Variants in WDR70 observed in about 807,000 individuals in gnomAD.
WDR70 encodes the protein WD repeat-containing protein 70.
In WDR70, 53 loss-of-function variants were observed where a neutral mutation model predicts 88.6. That is an observed-to-expected ratio of 0.60 (90% CI 0.48 to 0.75). WDR70 has a LOEUF of 0.75. Among genes scored for constraint, WDR70 ranks in the 30% least tolerant of loss-of-function variants. WDR70 has a pLI of 0.00. For missense variants in WDR70, 610 were observed against 823.2 expected (o/e 0.74, Z 3.17); for synonymous variants, 280 against 270.0 (o/e 1.04, Z -0.36).
chr5:37,568,569 G>A (rs1340935087), intron 9 of WDR70, among the ~76,000 whole-genome samples: 1 of 152,114 alleles, frequency 6.6e-6, no homozygotes, highest in Admixed American at 6.5e-5. Context: ...CCTTTGTTCT[G>A]ATCATGGCAT....
intron 14 of WDR70, chr5:37,721,580 G>T: frequency 1.1e-5 from 2 of 190,068 alleles, no homozygotes; most frequent in South Asian, 1.5e-4. Flanking sequence ...TACAGGAAAT[G>T]GAATCAGCTT....
intron 9 of WDR70, among the ~76,000 whole-genome samples, chr5:37,520,036 G>T (rs1459302652): frequency 2.6e-5 from 4 of 152,028 alleles, no homozygotes; most frequent in African/African-American, 7.3e-5. Flanking sequence ...TATATTATAT[G>T]ATTCATTTTA....
chr5:37,564,159 C>G (rs1460401809), intron 9 of WDR70, among the ~76,000 whole-genome samples: 8 of 150,906 alleles, frequency 5.3e-5, no homozygotes, highest in South Asian at 2.1e-4. Flanking sequence ...CGGCACTTTG[C>G]GGGGCCAAGG....
At chr5:37,710,122 C>T (rs543900963) in intron 13 of WDR70, among the ~76,000 whole-genome samples, 3 of 151,814 alleles carry the variant, frequency 2.0e-5, no homozygotes, top group Non-Finnish European at 2.9e-5. Context: ...TTAATATCTA[C>T]GATATCAAAT....
rs759818772 is a variant in WDR70, at chr5:37,752,614, A to G, written c.*41A>G. 5.6e-6 allele frequency: 8 copies of G among 1,434,958 alleles called. No homozygotes were observed. The highest frequency in any genetic ancestry group is 4.3e-5 in the African/African-American group (3 of 69,742). The allele number at this position is 1,434,958 out of a possible 1,614,324, so 88.9% of individuals were successfully genotyped here. The stretch of plus-strand genomic sequence containing the variant: ...AGCTGTTTGCATGAGTGGGAGGGGT[A>G]TGGGACAGGTTTGGGTTTTTTTTTT... On this transcript the variant is annotated 3_prime_UTR_variant, in exon 18 of 18. Coordinates refer to ENST00000265107, the MANE Select transcript of WDR70 (RefSeq NM_018034.4).
At chr5:37,435,631 A>G (rs1287270843) in intron 5 of WDR70, among the ~76,000 whole-genome samples, 3 of 152,152 alleles carry the variant, frequency 2.0e-5, no homozygotes, top group African/African-American at 2.4e-5. Flanking sequence ...TATTGTTGCA[A>G]TCTTCAATCT....
At position 37,496,950 on chromosome 5, in the gene WDR70, G is replaced by A. The variant is rs149089280; in HGVS notation, c.840+16963G>A. On this transcript the variant is annotated intron_variant, in intron 8 of 17. Transcript: ENST00000265107. ...GACTGAGAGTGTGGTGTAGTGTACAGGATTGGGGAAGACAAGGTAGTTTAG... is the reference window on the plus strand; with the variant it reads ...GACTGAGAGTGTGGTGTAGTGTACAAGATTGGGGAAGACAAGGTAGTTTAG... 3.3e-4 allele frequency among the ~76,000 whole-genome samples: 50 copies of A among 152,308 alleles called. No individual in the cohort carries two copies. In the East Asian group the frequency reaches 8.1e-3, roughly 25 times the overall value.
chr5:37,703,302 T>C (rs1210489962), intron 13 of WDR70, among the ~76,000 whole-genome samples: 5 of 152,198 alleles, frequency 3.3e-5, no homozygotes, highest in Admixed American at 1.3e-4. Flanking sequence ...ACCTACACTT[T>C]AGTAGGAATT....
chr5:37,542,532 C>T (rs1418453487), intron 9 of WDR70, among the ~76,000 whole-genome samples: 2 of 152,120 alleles, frequency 1.3e-5, no homozygotes, highest in East Asian at 3.9e-4. Flanking sequence ...CCGCCCACCT[C>T]AGCCTCTCAA....
At chr5:37,721,851 T>C (rs1054679443) in intron 14 of WDR70, 2 of 152,264 alleles carry the variant, frequency 1.3e-5, no homozygotes, top group African/African-American at 4.8e-5. Flanking sequence ...TTTGTTTCTC[T>C]CTCTTAAAGT....
chr5:37,522,907 C>G (rs1281524508), intron 9 of WDR70, among the ~76,000 whole-genome samples: 4 of 152,194 alleles, frequency 2.6e-5, no homozygotes, highest in Non-Finnish European at 4.4e-5. Flanking sequence ...TGAGATCGAA[C>G]TGCAAGGTGG....
At chr5:37,542,405 G>T (rs1168555744) in intron 9 of WDR70, among the ~76,000 whole-genome samples, 1 of 151,560 alleles carries the variant, frequency 6.6e-6, no homozygotes, top group East Asian at 1.9e-4. Flanking sequence ...TCAGCCTCCT[G>T]AGTAGCTGGG....
chr5:37,715,576 C>T (rs1315023562), intron 13 of WDR70, among the ~76,000 whole-genome samples: 1 of 152,152 alleles, frequency 6.6e-6, no homozygotes, highest in African/African-American at 2.4e-5. Context: ...GCTTCCTGAA[C>T]TTCAGAGGGA....
intron 8 of WDR70, among the ~76,000 whole-genome samples, chr5:37,507,402 A>C (rs1740595034): frequency 6.6e-6 from 1 of 152,168 alleles, no homozygotes; most frequent in Non-Finnish European, 1.5e-5. Flanking sequence ...AGAATATGTG[A>C]GACATTGTTA....
intron 10 of WDR70, among the ~76,000 whole-genome samples, chr5:37,609,954 C>T (rs34562724): frequency 4.3e-4 from 65 of 152,164 alleles, no homozygotes; most frequent in Non-Finnish European, 8.1e-4. Flanking sequence ...TAAAAGATTA[C>T]TTTATGTCTT....
At chr5:37,683,802 T>C (rs1392729596) in intron 10 of WDR70, among the ~76,000 whole-genome samples, 1 of 152,174 alleles carries the variant, frequency 6.6e-6, no homozygotes, top group Non-Finnish European at 1.5e-5. Flanking sequence ...CCTTGGAGAA[T>C]CTGATTATTA....
intron 9 of WDR70, among the ~76,000 whole-genome samples, chr5:37,597,430 T>A (rs761213741): frequency 3.9e-5 from 6 of 152,186 alleles, no homozygotes; most frequent in Non-Finnish European, 7.3e-5. Flanking sequence ...TAATTTGCAT[T>A]TCTGAAATGA....
Position 37,422,294 on chromosome 5 carries a change from C to CAT in WDR70, c.493-15628_493-15627insAT, listed in dbSNP as rs34960512. ...ATGTTGTAGAAAACTTTCCTTTTTT[C>CAT]TTTTTTTTTTTTTGAGACAGAGTCT... On this transcript the variant is annotated intron_variant, in intron 5 of 17. Transcript: ENST00000265107. Among the ~76,000 whole-genome samples, 77 of 145,774 alleles carry CAT rather than the reference C, an allele frequency of 5.3e-4. 1 individual carries two copies. The highest frequency in any genetic ancestry group is 3.2e-3 in the East Asian group (16 of 4,958).
chr5:37,528,095 G>T (rs1466001214), intron 9 of WDR70, among the ~76,000 whole-genome samples: 1 of 152,184 alleles, frequency 6.6e-6, no homozygotes, highest in Non-Finnish European at 1.5e-5. Context: ...TCTATAACTA[G>T]AAACAGCATT....
Sources: gnomAD v4.1 joint callset for allele counts (sites outside exome capture counted in the v4.1 genomes callset) on GRCh38, gnomAD v4.1.1 for gene constraint, MANE v1.5 for transcripts, NCBI Gene and HGNC (gene_info 2026-07-23, HGNC 2026-07-21) for gene names.